The following ZBTB8B variants were observed in gnomAD, a reference collection of about 807,000 sequenced individuals.
ZBTB8B encodes zinc finger and BTB domain containing 8B.
In ZBTB8B, 17 loss-of-function variants were observed where a neutral mutation model predicts 30.3. The ratio of observed to expected loss-of-function variants is 0.56; its 90% CI spans 0.38 to 0.84. ZBTB8B has a LOEUF of 0.84. Among genes scored for constraint, ZBTB8B ranks in the 40% least tolerant of loss-of-function variants. The pLI, the probability that ZBTB8B is intolerant of heterozygous loss-of-function variation, is 0.00. For missense variants in ZBTB8B, 515 were observed against 644.9 expected, an observed-to-expected ratio of 0.80 and a Z score of 2.18; for synonymous variants, 248 against 255.6, an observed-to-expected ratio of 0.97 and a Z score of 0.28.
In ZBTB8B at chr1:32,494,313, G is replaced by A. The variant is rs376834101; in HGVS notation, c.*8895G>A. The A allele has an allele frequency of 4.2e-4, 64 of 151,966 alleles. No homozygotes were observed. The highest frequency in any genetic ancestry group is 1.5e-3 in the African/African-American group (62 of 41,462). 9.4% of individuals were successfully genotyped at this position (151,966 alleles called of 1,614,324 possible). On this transcript the variant is annotated 3_prime_UTR_variant, in exon 4 of 4. Transcript: ENST00000609129. ...AACTCCATGTGACAGATGAAATGAC[G>A]TTTCTAGTTCTCACACAGCTGGTTA...
chr1:32,470,032 C>T (rs763729806), intron 1 of ZBTB8B, among the ~76,000 whole-genome samples: 14 of 151,968 alleles, frequency 9.2e-5, no homozygotes, highest in African/African-American at 1.2e-4. Flanking sequence ...ATTACAGGCC[C>T]GGCTAAGTTT....
rs1185967549 is a variant in ZBTB8B, at chr1:32,465,419, A to G, written c.-42+314A>G. Reference sequence around the variant, plus strand: ...GCCCAGGCGTGGGGGGCTCGGCCACACTGGAGAAGTGCCAGCGGCAGCGAT... The same window carrying G: ...GCCCAGGCGTGGGGGGCTCGGCCACGCTGGAGAAGTGCCAGCGGCAGCGAT... On this transcript the variant is annotated intron_variant, in intron 1 of 3. Transcript: ENST00000609129. This position sits in a 1 kb window ranked among gnomAD's most constrained non-coding sequence, Gnocchi z 4.1. Among the ~76,000 whole-genome samples, 1 of 152,194 alleles carries G rather than the reference A, an allele frequency of 6.6e-6. No homozygotes were observed. The highest frequency in any genetic ancestry group is 1.9e-4 in the East Asian group (1 of 5,182).
In ZBTB8B at chr1:32,492,335, C is replaced by T. The variant is rs1318753889; in HGVS notation, c.*6917C>T. On this transcript the variant is annotated 3_prime_UTR_variant, in exon 4 of 4. Coordinates refer to ENST00000609129, the MANE Select transcript of ZBTB8B (RefSeq NM_001145720.2). Reference sequence around the variant, plus strand: ...TTTTTTTTTTAAAGATGGAGTTTCACTCTTGTTGCCAGGCTGGAGTGCAGT... The same window carrying T: ...TTTTTTTTTTAAAGATGGAGTTTCATTCTTGTTGCCAGGCTGGAGTGCAGT... 2.1e-5 allele frequency: 3 copies of T among 140,398 alleles called. No homozygotes were observed. Among genetic ancestry groups the T allele is most frequent in the African/African-American group, 8.3e-5 (3 of 36,338 alleles). The allele number at this position is 140,398 out of a possible 1,614,324, so 8.7% of individuals were successfully genotyped here.
At chr1:32,477,370 G>T (rs1015382756) in intron 2 of ZBTB8B, among the ~76,000 whole-genome samples, 1 of 152,206 alleles carries the variant, frequency 6.6e-6, no homozygotes, top group East Asian at 1.9e-4. Flanking sequence ...GTGAGATCAG[G>T]AAAGGGGAAG....
rs747082881 is a variant in ZBTB8B at position 32,470,992 on chromosome 1, A to T, written c.368A>T (p.Asp123Val). 1.3e-5 allele frequency: 20 copies of T among 1,552,072 alleles called. No homozygotes were observed. Among genetic ancestry groups the T allele is most frequent in the Non-Finnish European group, 1.7e-5 (20 of 1,147,086 alleles). Residue 123 changes from aspartate to valine, a missense_variant, in exon 2 of 4, where the codon GAC becomes GTC. By Grantham distance (152) the Asp-to-Val change is radical. Transcript: ENST00000609129. ...FCKTYIRSSL[D>V]ICRKMEKEAA... ...AAGACATACATTAGGTCATCCCTCG[A>T]CATTTGCCGAAAGATGGAGAAGGAG...
rs1272862345 is a variant in ZBTB8B at position 32,485,721 on chromosome 1, G to A, written c.*303G>A. On this transcript the variant is annotated 3_prime_UTR_variant, in exon 4 of 4. Transcript: ENST00000609129. ...CTGTGTGTCCAAACTCTGGTTAGGA[G>A]AAAGATAAGAAAATCTCCAGGCTTG... 3 of 312,874 alleles carry A rather than the reference G, an allele frequency of 9.6e-6. No homozygotes were observed. In the East Asian group the frequency reaches 2.0e-4, roughly 21 times the overall value. 19.4% of individuals were successfully genotyped at this position (312,874 alleles called of 1,614,324 possible).
intron 2 of ZBTB8B, among the ~76,000 whole-genome samples, chr1:32,477,751 A>T (rs1264532417): frequency 6.6e-6 from 1 of 151,980 alleles, no homozygotes; most frequent in Admixed American, 6.6e-5. Context: ...AAAAAAAAAA[A>T]AAATTGTTAA....
intron 1 of ZBTB8B, among the ~76,000 whole-genome samples, chr1:32,469,065 T>G (rs1643595876): frequency 1.3e-5 from 2 of 151,590 alleles, no homozygotes; most frequent in South Asian, 4.2e-4. Context: ...GGCGCAGTGG[T>G]ATGCACCTGT....
chr1:32,481,829 G>A (rs930498002), intron 3 of ZBTB8B, among the ~76,000 whole-genome samples: 17 of 152,046 alleles, frequency 1.1e-4, no homozygotes, highest in African/African-American at 3.9e-4. Flanking sequence ...TCATCATTTA[G>A]CTCCCACTTA....
chr1:32,471,759 T>A (rs1237869801), intron 2 of ZBTB8B, 144 bp downstream of exon 2: 17 of 902,880 alleles, frequency 1.9e-5, no homozygotes, highest in Non-Finnish European at 2.6e-5. Flanking sequence ...AGTACCATCA[T>A]CATTACCATC....
intron 3 of ZBTB8B, 148 bp downstream of exon 3, chr1:32,481,217 G>T (rs1643702402): frequency 1.2e-6 from 1 of 864,204 alleles, no homozygotes; most frequent in South Asian, 2.7e-5. Context: ...CTAAATTAAA[G>T]CTCAGGTGGT....
chr1:32,489,812 C>A lies in ZBTB8B; in HGVS notation c.*4394C>A, dbSNP rs1643767808. 1 of 152,114 alleles carries A rather than the reference C, an allele frequency of 6.6e-6. No homozygotes were observed. Among genetic ancestry groups the A allele is most frequent in the Admixed American group, 6.5e-5 (1 of 15,268 alleles). 9.4% of individuals were successfully genotyped at this position (152,114 alleles called of 1,614,324 possible). On this transcript the variant is annotated 3_prime_UTR_variant, in exon 4 of 4. Coordinates refer to ENST00000609129, the MANE Select transcript of ZBTB8B (RefSeq NM_001145720.2). The stretch of plus-strand genomic sequence containing the variant: ...GAGAAGGAATGTAAATAGGGCCTTA[C>A]CTATAATAATTAAGAAATGACATAG...
rs1454853537 is a variant in ZBTB8B at position 32,487,555 on chromosome 1, T to C, written c.*2137T>C. 1.3e-5 allele frequency: 2 copies of C among 152,234 alleles called. No homozygotes were observed. Among genetic ancestry groups the C allele is most frequent in the Non-Finnish European group, 2.9e-5 (2 of 68,074 alleles). 9.4% of individuals were successfully genotyped at this position (152,234 alleles called of 1,614,324 possible). A position where few individuals can be genotyped will look rare whatever the true frequency, so the allele number is the denominator to read the frequency against. ...ATCACAGGTAGTTCGATAAATATCA[T>C]TCTTGGCTGTGTGCGGTGGCTCACG... On this transcript the variant is annotated 3_prime_UTR_variant, in exon 4 of 4. Transcript: ENST00000609129.
In ZBTB8B at chr1:32,494,516, G is replaced by C. The variant is rs904094499; in HGVS notation, c.*9098G>C. On this transcript the variant is annotated 3_prime_UTR_variant, in exon 4 of 4. Coordinates refer to ENST00000609129, the MANE Select transcript of ZBTB8B (RefSeq NM_001145720.2). ...ATAAAGTATGCATTGTGTGATTATG[G>C]TCTGCATTCTTGCAATGCTTAGACA... 6.6e-5 allele frequency: 10 copies of C among 152,030 alleles called. No individual in the cohort carries two copies. Among genetic ancestry groups the C allele is most frequent in the African/African-American group, 2.4e-4 (10 of 41,382 alleles). The allele number at this position is 152,030 out of a possible 1,614,324, so 9.4% of individuals were successfully genotyped here.
At chr1:32,469,998 A>T (rs1557680503) in intron 1 of ZBTB8B, among the ~76,000 whole-genome samples, 1 of 151,912 alleles carries the variant, frequency 6.6e-6, no homozygotes. Context: ...CGATTCTCCC[A>T]CCTCAGCTTC....
At chr1:32,483,603 G>A (rs928324229) in intron 3 of ZBTB8B, among the ~76,000 whole-genome samples, 7 of 152,110 alleles carry the variant, frequency 4.6e-5, no homozygotes, top group Admixed American at 6.6e-5. Flanking sequence ...TGAATGACGA[G>A]TTAATGGGTG....
At chr1:32,468,741 A>T (rs1239081610) in intron 1 of ZBTB8B, among the ~76,000 whole-genome samples, 2 of 152,020 alleles carry the variant, frequency 1.3e-5, no homozygotes, top group Non-Finnish European at 2.9e-5. Flanking sequence ...TACACCTGTA[A>T]TCCCAGCTAC....
At chr1:32,483,761 C>T (rs891121092) in intron 3 of ZBTB8B, among the ~76,000 whole-genome samples, 2 of 151,018 alleles carry the variant, frequency 1.3e-5, no homozygotes, top group Non-Finnish European at 3.0e-5. Context: ...AAAAAAAAAA[C>T]CATGTCAAAA....
rs888454016 is a variant in ZBTB8B at position 32,471,047 on chromosome 1, A to T, written c.423A>T (p.Ala141=). 5 of 1,548,326 alleles carry T rather than the reference A, an allele frequency of 3.2e-6. No individual in the cohort carries two copies. Among genetic ancestry groups the T allele is most frequent in the Non-Finnish European group, 4.4e-6 (5 of 1,145,126 alleles). ...CTGTGGCTGCAGCAGTGGCGGCGGC[A>T]GCGGCGGCGGCTGCAGCGGCGGCAG... ...EAAVAAAVAA[A]AAAAAAAAAA... The change falls in exon 2 of 4, where the codon GCA becomes GCT. Residue 141 remains alanine (A), a synonymous_variant. Transcript: ENST00000609129.
Sources: allele counts gnomAD v4.1 joint callset (sites outside exome capture counted in the v4.1 genomes callset), GRCh38; gene constraint gnomAD v4.1.1; non-coding constraint Gnocchi (gnomAD v3.1); transcripts MANE v1.5; gene names NCBI Gene and HGNC (gene_info 2026-07-23, HGNC 2026-07-21).